The following ALK variants were observed in gnomAD, a reference collection of about 807,000 sequenced individuals.
ALK encodes the protein ALK receptor tyrosine kinase.
ALK carries 74 observed loss-of-function variants against 163.1 expected under a neutral mutation model. The observed-to-expected ratio is 0.45, with a 90% CI of 0.38 to 0.55. ALK has a LOEUF of 0.55. ALK is among the 20% of genes least tolerant of loss of function. The pLI is 0.00. For missense variants in ALK, 2,063 were observed against 2,105.3 expected (o/e 0.98, Z 0.39); for synonymous variants, 960 against 843.2 (o/e 1.14, Z -2.40).
At chr2:29,221,025 A>T in intron 22 of ALK, 190 bp from the exon 23 acceptor site, 1 of 758,056 alleles carries the variant, frequency 1.3e-6, no homozygotes, top group Non-Finnish European at 2.3e-6. Context: ...GGTGGGAAGA[A>T]CCACAGCAGG....
Position 29,732,903 on chromosome 2 carries a change from T to G in ALK, c.668-15206A>C, listed in dbSNP as rs1201649861. Among the ~76,000 whole-genome samples the G allele has an allele frequency of 1.3e-4, 3 of 23,722 alleles. No individual in the cohort carries two copies. The Admixed American group carries it at 2.3e-3, about 18-fold the overall frequency. The allele number at this position is 23,722 out of a possible 152,430, so 15.6% of individuals were successfully genotyped here. A position where few individuals can be genotyped will look rare whatever the true frequency, so the allele number is the denominator to read the frequency against. ...TTTTAAGCTACCTAGTCTATAGGTT[T>G]TTTTTTTTTTTAAGCAGCCTGAATA... On this transcript the variant is annotated intron_variant, in intron 1 of 28. Coordinates refer to ENST00000389048, the MANE Select transcript of ALK (RefSeq NM_004304.5).
At chr2:29,720,754 T>TG (rs1679397359) in intron 1 of ALK, among the ~76,000 whole-genome samples, 1 of 152,164 alleles carries the variant, frequency 6.6e-6, no homozygotes, top group African/African-American at 2.4e-5. Flanking sequence ...TCTTTACCCT[T>TG]GCCCTACCCA....
intron 1 of ALK, among the ~76,000 whole-genome samples, chr2:29,856,555 C>A (rs1326439943): frequency 6.6e-6 from 1 of 152,164 alleles, no homozygotes; most frequent in Non-Finnish European, 1.5e-5. Context: ...TTAGGAGGTG[C>A]AGGAATAGAT....
chr2:29,683,619 T>C (rs547902105), intron 3 of ALK, among the ~76,000 whole-genome samples: 1 of 152,296 alleles, frequency 6.6e-6, no homozygotes, highest in South Asian at 2.1e-4. Flanking sequence ...CTTCCATTTG[T>C]AAATGTGCAT....
At chr2:29,368,674 G>T (rs1368665978) in intron 5 of ALK, among the ~76,000 whole-genome samples, 2 of 152,180 alleles carry the variant, frequency 1.3e-5, no homozygotes, top group Non-Finnish European at 2.9e-5. Flanking sequence ...CACAAAAGGA[G>T]AACTTCATAG....
intron 3 of ALK, among the ~76,000 whole-genome samples, chr2:29,671,117 C>G (rs1456656425): frequency 6.6e-6 from 1 of 151,644 alleles, no homozygotes; most frequent in African/African-American, 2.4e-5. Context: ...CTAGTTTTCT[C>G]TCTCTGGCCT....
rs983753752 is a variant in ALK at position 29,600,155 on chromosome 2, G to A, written c.953-68039C>T. Among the ~76,000 whole-genome samples, 6 of 152,178 alleles carry A rather than the reference G, an allele frequency of 3.9e-5. No homozygotes were observed. The South Asian group carries it at 1.2e-3, about 32-fold the overall frequency. ...CAAGTCTAGGGCTAAGACCCCCCAA[G>A]ACTGTTTTTCCTGGGATACCACCCA... On this transcript the variant is annotated intron_variant, in intron 3 of 28. Transcript: ENST00000389048.
At chr2:29,892,843 G>C (rs940840962) in intron 1 of ALK, among the ~76,000 whole-genome samples, 4 of 152,146 alleles carry the variant, frequency 2.6e-5, no homozygotes, top group African/African-American at 9.7e-5. Flanking sequence ...TTGTGGTAGA[G>C]GGGGGAGAAT....
chr2:29,913,905 T>C (rs1292299693), intron 1 of ALK, among the ~76,000 whole-genome samples: 1 of 147,046 alleles, frequency 6.8e-6, no homozygotes, highest in African/African-American at 2.7e-5. Flanking sequence ...CTTCAGCTAA[T>C]TAAAATAAAA....
At chr2:29,646,902 T>G (rs1408126846) in intron 3 of ALK, among the ~76,000 whole-genome samples, 1 of 152,194 alleles carries the variant, frequency 6.6e-6, no homozygotes, top group Non-Finnish European at 1.5e-5. Context: ...TTTCTTCCTA[T>G]GAGTGTAAAA....
At chr2:29,702,999 G>A (rs2148296100) in intron 2 of ALK, among the ~76,000 whole-genome samples, 1 of 152,346 alleles carries the variant, frequency 6.6e-6, no homozygotes, top group South Asian at 2.1e-4. Context: ...TGGGATCCCA[G>A]TTTAGAAAAC....
intron 3 of ALK, among the ~76,000 whole-genome samples, chr2:29,538,667 A>G (rs369952922): frequency 2.9e-4 from 44 of 152,282 alleles, no homozygotes; most frequent in African/African-American, 1.0e-3. Flanking sequence ...AGAATTGCTT[A>G]TAATTTTTTT....
chr2:29,421,173 T>G (rs1670006827), intron 4 of ALK, among the ~76,000 whole-genome samples: 1 of 151,454 alleles, frequency 6.6e-6, no homozygotes, highest in Non-Finnish European at 1.5e-5. Flanking sequence ...AAGCTGCAGA[T>G]CCTTCAATCC....
intron 2 of ALK, among the ~76,000 whole-genome samples, chr2:29,698,420 T>C (rs2541207): frequency 0.88 from 133,269 of 152,192 alleles, 58,633 homozygotes; most frequent in African/African-American, 0.95. Flanking sequence ...TTCATGTCAG[T>C]AAAAAGGTGA....
chr2:29,209,903 C>T (rs2148155464), intron 24 of ALK, 25 bp from the exon 25 acceptor site: 1 of 1,588,916 alleles, frequency 6.3e-7, no homozygotes. Flanking sequence ...AATGCATTTC[C>T]TAATTTTATC....
chr2:29,920,073 G>A lies in ALK; in HGVS notation c.587C>T (p.Ser196Leu), dbSNP rs1235761698. 1.9e-6 allele frequency: 3 copies of A among 1,614,056 alleles called. No homozygotes were observed. The highest frequency in any genetic ancestry group is 2.5e-6 in the Non-Finnish European group (3 of 1,180,052). The change falls in exon 1 of 29, where the codon TCG (serine) becomes TTG (leucine). Residue 196 changes from serine to leucine, a missense_variant. Ser to Leu is a moderately radical substitution (Grantham distance 145, BLOSUM62 -2). This residue lies in a region of ALK where 987 missense variants were observed against 939.5 expected (regional missense o/e 1.05). Transcript: ENST00000389048. ...RIRLMPEKKA[S>L]EVGREGRLSA... ...CAGCCTTCCCTCTCTGCCCACTTCC[G>A]ACGCCTTCTTCTCGGGCATCAGGCG...
At chr2:29,395,098 T>G (rs1669271549) in intron 4 of ALK, among the ~76,000 whole-genome samples, 1 of 152,178 alleles carries the variant, frequency 6.6e-6, no homozygotes, top group African/African-American at 2.4e-5. Flanking sequence ...GCTCAAATGA[T>G]TCCAGCAGCC....
chr2:29,885,438 G>A (rs970541200), intron 1 of ALK, among the ~76,000 whole-genome samples: 3 of 152,060 alleles, frequency 2.0e-5, no homozygotes, highest in Admixed American at 6.6e-5. Context: ...TATAGAAAAC[G>A]TTGTGAAAGT....
intron 2 of ALK, among the ~76,000 whole-genome samples, chr2:29,708,771 A>G (rs1305670539): frequency 6.6e-6 from 1 of 152,154 alleles, no homozygotes; most frequent in Admixed American, 6.5e-5. Context: ...CTTTGCTGCT[A>G]GTCCTGGGGA....
Sources: gnomAD v4.1 joint callset for allele counts (sites outside exome capture counted in the v4.1 genomes callset) on GRCh38, gnomAD v4.1.1 for gene constraint, gnomAD v4.1.1 regional missense constraint, MANE v1.5 for transcripts, NCBI Gene and HGNC (gene_info 2026-07-23, HGNC 2026-07-21) for gene names.